Variants in ZNF814 observed in about 807,000 individuals in gnomAD.
The protein encoded by ZNF814 is zinc finger protein 814.
In ZNF814, 5 loss-of-function variants were observed where a neutral mutation model predicts 7.5. That is an observed-to-expected ratio of 0.67 (90% CI 0.35 to 1.40). ZNF814 has a LOEUF of 1.40. ZNF814 is among the 40% of genes most tolerant of loss of function. The pLI, the probability that ZNF814 is intolerant of heterozygous loss-of-function variation, is 0.04. For missense variants in ZNF814, 962 were observed against 1,018.0 expected, an observed-to-expected ratio of 0.94 and a Z score of 0.75; for synonymous variants, 315 against 340.7, an observed-to-expected ratio of 0.92 and a Z score of 0.83.
At chr19:57,888,086 C>T (rs771535403) in intron 1 of ZNF814, among the ~76,000 whole-genome samples, 1 of 152,226 alleles carries the variant, frequency 6.6e-6, no homozygotes, top group Non-Finnish European at 1.5e-5. Flanking sequence ...CTTTGGCCGC[C>T]AGCTGAATAA....
At chr19:57,879,820 G>A (rs1219943542) in intron 1 of ZNF814, among the ~76,000 whole-genome samples, 1 of 126,760 alleles carries the variant, frequency 7.9e-6, no homozygotes, top group African/African-American at 3.0e-5. Flanking sequence ...TGCCAGGCAC[G>A]GTGGCTCGAG....
Position 57,871,989 on chromosome 19 carries a change from G to C in ZNF814, c.*833C>G, listed in dbSNP as rs571146341. ...TGGAGCATGGTAGTGCATGCCTGTG[G>C]TTTCAGCTACTCAGGAGGCCGAGGC... On this transcript the variant is annotated 3_prime_UTR_variant, in exon 3 of 3. Coordinates refer to ENST00000435989, the MANE Select transcript of ZNF814 (RefSeq NM_001144989.2). Among the ~76,000 whole-genome samples, 6 of 151,960 alleles carry C rather than the reference G, an allele frequency of 3.9e-5. 1 individual carries two copies. The East Asian group carries it at 9.7e-4, about 24-fold the overall frequency.
chr19:57,873,967 G>C lies in ZNF814; in HGVS notation c.1423C>G (p.His475Asp). Residue 475 changes from histidine (H) to aspartate (D), a missense_variant, in exon 3 of 3, where the codon CAT becomes GAT. This residue lies in a region of ZNF814 where 665 missense variants were observed against 551.4 expected (regional missense o/e 1.21). Transcript: ENST00000435989. ...TGATGGTGAACAAGGCTGCGCTTAT[G>C]ACTGAAAGATTTCACACATTCTCCA... ...KCGECVKSFS[H>D]KRSLVHHQRV... 12 of 1,613,770 alleles carry C rather than the reference G, an allele frequency of 7.4e-6. No individual in the cohort carries two copies. Among genetic ancestry groups the C allele is most frequent in the Non-Finnish European group, 1.0e-5 (12 of 1,179,946 alleles).
the ZNF814 span, among the ~76,000 whole-genome samples, chr19:57,894,436 A>C: frequency 8.6e-5 from 13 of 151,970 alleles, no homozygotes; most frequent in South Asian, 2.7e-3. Flanking sequence ...ATTTTGTTTC[A>C]TTTTGTTTTT....
upstream of ZNF814, among the ~76,000 whole-genome samples, chr19:57,892,239 CT>C (rs1321335639): frequency 6.6e-6 from 1 of 152,210 alleles, no homozygotes; most frequent in Non-Finnish European, 1.5e-5. Context: ...GAGTTTGACT[CT>C]TTTCATTGAC....
At chr19:57,875,814 C>T (rs2071601378) in intron 2 of ZNF814, among the ~76,000 whole-genome samples, 1 of 152,014 alleles carries the variant, frequency 6.6e-6, no homozygotes, top group Non-Finnish European at 1.5e-5. Context: ...GTGATGCTCT[C>T]AAGAATGAGG....
rs891447282 is a variant in ZNF814, at chr19:57,869,878, G to C, written c.*2944C>G. On this transcript the variant is annotated 3_prime_UTR_variant, in exon 3 of 3. Transcript: ENST00000435989. ...GAGAATTGCTTGAACCTAGGAGGTA[G>C]AGGTTGCAATGAGCCAAGGTCATGC... 6 of 150,114 alleles carry C rather than the reference G, an allele frequency of 4.0e-5. No individual in the cohort carries two copies. Among genetic ancestry groups the C allele is most frequent in the Non-Finnish European group, 7.4e-5 (5 of 67,932 alleles). 9.3% of individuals were successfully genotyped at this position (150,114 alleles called of 1,614,324 possible).
Position 57,873,285 on chromosome 19 carries a change from TGA to T in ZNF814, c.2103_2104del (p.His702ProfsTer17). 1 of 1,593,636 alleles carries T rather than the reference TGA, an allele frequency of 6.3e-7. No individual in the cohort carries two copies. Among genetic ancestry groups the T allele is most frequent in the Non-Finnish European group, 8.6e-7 (1 of 1,169,424 alleles). ...GTGAATTCTCTGGTGTACAAGGAGGTGAGACTTCTTCTTAAATAATTTTCCAC... is the reference window on the plus strand; with the variant it reads ...GTGAATTCTCTGGTGTACAAGGAGGTGACTTCTTCTTAAATAATTTTCCAC... On this transcript the variant is annotated frameshift_variant, in exon 3 of 3. Transcript: ENST00000435989. LOFTEE classifies it low-confidence loss of function (END_TRUNC).
the ZNF814 span, among the ~76,000 whole-genome samples, chr19:57,899,468 AG>A: frequency 6.6e-6 from 1 of 152,236 alleles, no homozygotes; most frequent in African/African-American, 2.4e-5. Flanking sequence ...AAGTCTCGAA[AG>A]GTTCAAATTC....
rs908689768 is a variant in ZNF814, at chr19:57,874,665, T to C, written c.725A>G (p.Tyr242Cys). 6.4e-7 allele frequency: 1 copy of C among 1,559,510 alleles called. No individual in the cohort carries two copies. Among genetic ancestry groups the C allele is most frequent in the Admixed American group, 1.9e-5 (1 of 51,390 alleles). The change falls in exon 3 of 3, where the codon TAT becomes TGT. Residue 242 changes from tyrosine to cysteine, a missense_variant. By Grantham distance (194) the Tyr-to-Cys change is radical. This residue lies in a region of ZNF814 where 126 missense variants were observed against 123.5 expected (regional missense o/e 1.02). Transcript: ENST00000435989. ...GGACTTCCCACATTCACAGCACACA[T>C]AACACTCTTCTCTAGTGAGCAGTCT... Reference protein sequence around the residue: ...HQRLLTREECYVCCECGKSFS... With the variant: ...HQRLLTREECCVCCECGKSFS...
the ZNF814 span, among the ~76,000 whole-genome samples, chr19:57,894,270 G>A: frequency 6.6e-6 from 1 of 151,244 alleles, no homozygotes; most frequent in South Asian, 2.1e-4. Context: ...GGAGGCTGAG[G>A]CTGGAGAATT....
intron 2 of ZNF814, among the ~76,000 whole-genome samples, chr19:57,876,249 C>T (rs1355373807): frequency 2.0e-5 from 3 of 152,026 alleles, no homozygotes; most frequent in Non-Finnish European, 4.4e-5. Context: ...AGCCACCATC[C>T]CCAGCCCAGG....
At position 57,877,668 on chromosome 19, in the gene ZNF814, C is replaced by CCTGACCT. The variant is rs201397489; in HGVS notation, c.37-633_37-627dup. ...ATGTTGGCCAAGCTGGTCTCGAACT[C>CCTGACCT]CTGACCTCGTAATCCTCCCACCTCG... On this transcript the variant is annotated intron_variant, in intron 1 of 2. Transcript: ENST00000435989. Among the ~76,000 whole-genome samples, 737 of 152,166 alleles carry CCTGACCT rather than the reference C, an allele frequency of 4.8e-3. 6 individuals are homozygous for CCTGACCT. Among genetic ancestry groups the CCTGACCT allele is most frequent in the Middle Eastern group, 0.024 (7 of 294 alleles).
At chr19:57,882,928 C>T (rs1471020226) in intron 1 of ZNF814, among the ~76,000 whole-genome samples, 11 of 152,134 alleles carry the variant, frequency 7.2e-5, no homozygotes, top group Admixed American at 3.3e-4. Flanking sequence ...GCACCAAAGA[C>T]GAATCCTGGA....
chr19:57,869,769 A>C lies in ZNF814; in HGVS notation c.*3053T>G, dbSNP rs2071540376. ...AGATCAGCCTGGCCAACATGGCAAAACTCCGTCTCTACTAAAAATACAAAA... is the reference window on the plus strand; with the variant it reads ...AGATCAGCCTGGCCAACATGGCAAACCTCCGTCTCTACTAAAAATACAAAA... On this transcript the variant is annotated 3_prime_UTR_variant, in exon 3 of 3. Coordinates refer to ENST00000435989, the MANE Select transcript of ZNF814 (RefSeq NM_001144989.2). 1.3e-5 allele frequency: 2 copies of C among 151,718 alleles called. No individual in the cohort carries two copies. The highest frequency in any genetic ancestry group is 1.3e-4 in the Admixed American group (2 of 15,198). 9.4% of individuals were successfully genotyped at this position (151,718 alleles called of 1,614,324 possible).
rs988317175 is a variant in ZNF814, at chr19:57,870,817, T to A, written c.*2005A>T. 2 of 151,846 alleles carry A rather than the reference T, an allele frequency of 1.3e-5. No homozygotes were observed. The highest frequency in any genetic ancestry group is 2.9e-5 in the Non-Finnish European group (2 of 67,984). 9.4% of individuals were successfully genotyped at this position (151,846 alleles called of 1,614,324 possible). ...CAACATGGTGAAACCCCATCTCTACTAAAAATACAAAAATTAGCTGGGTGT... is the reference window on the plus strand; with the variant it reads ...CAACATGGTGAAACCCCATCTCTACAAAAAATACAAAAATTAGCTGGGTGT... On this transcript the variant is annotated 3_prime_UTR_variant, in exon 3 of 3. Transcript: ENST00000435989.
At chr19:57,883,848 C>G (rs1300938731) in intron 1 of ZNF814, among the ~76,000 whole-genome samples, 3 of 151,804 alleles carry the variant, frequency 2.0e-5, no homozygotes, top group African/African-American at 7.3e-5. Context: ...ACCTCCACCT[C>G]CCAGGTTCAA....
chr19:57,878,249 T>C (rs1354428736), intron 1 of ZNF814, among the ~76,000 whole-genome samples: 8 of 142,502 alleles, frequency 5.6e-5, no homozygotes, highest in Non-Finnish European at 7.7e-5. Flanking sequence ...CACATGGGGG[T>C]TGCATTGTGG....
chr19:57,876,147 AG>A (rs1191791626), intron 2 of ZNF814, among the ~76,000 whole-genome samples: 3 of 151,728 alleles, frequency 2.0e-5, no homozygotes, highest in Non-Finnish European at 4.4e-5. Context: ...TAGTAGAGAC[AG>A]GGTTTCACCA....
Sources: allele counts gnomAD v4.1 joint callset (sites outside exome capture counted in the v4.1 genomes callset), GRCh38; gene constraint gnomAD v4.1.1; regional missense constraint gnomAD v4.1.1; transcripts MANE v1.5; gene names NCBI Gene and HGNC (gene_info 2026-07-23, HGNC 2026-07-21).